The following ZBBX variants were observed in gnomAD, a reference collection of about 807,000 sequenced individuals.
ZBBX encodes the protein zinc finger B-box domain containing.
Under a neutral mutation model 108.5 loss-of-function variants are expected in ZBBX, and 101 were observed. That is an observed-to-expected ratio of 0.93 (90% CI 0.79 to 1.10). The LOEUF (loss-of-function observed/expected upper bound fraction) is 1.10. Ranked by LOEUF, ZBBX falls within the 50% of genes least tolerant of loss-of-function variation. The pLI, the probability that ZBBX is intolerant of heterozygous loss-of-function variation, is 0.00. For synonymous variants in ZBBX, 356 were observed against 323.4 expected, an observed-to-expected ratio of 1.10 and a Z score of -1.08; for missense variants, 1,009 against 941.4, an observed-to-expected ratio of 1.07 and a Z score of -0.94.
chr3:167,293,181 G>A (rs563252809), intron 18 of ZBBX, among the ~76,000 whole-genome samples: 14 of 152,080 alleles, frequency 9.2e-5, no homozygotes, highest in South Asian at 2.1e-4. Context: ...AAAGAGGGAC[G>A]CCTCCCTAAC....
chr3:167,180,675 T>C, the ZBBX span, among the ~76,000 whole-genome samples: 1 of 152,224 alleles, frequency 6.6e-6, no homozygotes, highest in Non-Finnish European at 1.5e-5. Context: ...TTAACTTGCC[T>C]TGTGGCAACA....
At position 167,282,347 on chromosome 3, in the gene ZBBX, A is replaced by C. The variant is rs368804958; in HGVS notation, c.2145T>G (p.Ile715Met). 2.1e-5 allele frequency: 34 copies of C among 1,613,980 alleles called. No homozygotes were observed. In the African/African-American group the frequency reaches 4.0e-4, roughly 19 times the overall value. The change falls in exon 20 of 22, where the codon ATT (isoleucine) becomes ATG (methionine). Residue 715 changes from isoleucine (I) to methionine (M), a missense_variant. Ile to Met is a conservative substitution (Grantham distance 10, BLOSUM62 1). Coordinates refer to ENST00000675490, the MANE Select transcript of ZBBX (RefSeq NM_001199201.2). ...SSRAASEISEIEYIDITDQNE... is the reference protein window; with the variant it reads ...SSRAASEISEMEYIDITDQNE... ...TCTGGTCAGTAATATCAATATATTCAATTTCTGAAATTTCAGAAGCAGCTC... is the reference window on the plus strand; with the variant it reads ...TCTGGTCAGTAATATCAATATATTCCATTTCTGAAATTTCAGAAGCAGCTC...
chr3:167,187,096 T>C, the ZBBX span, among the ~76,000 whole-genome samples: 2 of 152,306 alleles, frequency 1.3e-5, no homozygotes, highest in East Asian at 3.9e-4. Context: ...GAAGGTTTGC[T>C]ACCGTAGACC....
intron 20 of ZBBX, among the ~76,000 whole-genome samples, chr3:167,253,649 G>C (rs1722990340): frequency 6.6e-6 from 1 of 152,112 alleles, no homozygotes; most frequent in Non-Finnish European, 1.5e-5. Context: ...AGAAAAGACT[G>C]AGAGAGCTCA....
chr3:167,187,127 T>C, the ZBBX span, among the ~76,000 whole-genome samples: 1 of 152,172 alleles, frequency 6.6e-6, no homozygotes, highest in Admixed American at 6.5e-5. Context: ...AGCTTTATTT[T>C]GTTCGGTTTT....
At chr3:167,296,767 G>A (rs1731756713) in intron 18 of ZBBX, among the ~76,000 whole-genome samples, 1 of 151,870 alleles carries the variant, frequency 6.6e-6, no homozygotes, top group South Asian at 2.1e-4. Flanking sequence ...TCATGAACTG[G>A]AAGAGTTAAT....
downstream of ZBBX, among the ~76,000 whole-genome samples, chr3:167,236,988 G>C (rs1225439463): frequency 1.3e-5 from 2 of 151,782 alleles, no homozygotes; most frequent in East Asian, 1.9e-4. Context: ...ATGAGAAATA[G>C]CATGTGCCAA....
chr3:167,222,492 A>G, the ZBBX span, among the ~76,000 whole-genome samples: 3 of 151,914 alleles, frequency 2.0e-5, no homozygotes, highest in African/African-American at 7.2e-5. Context: ...ATTACGATGA[A>G]TAAGATCTAG....
intron 9 of ZBBX, among the ~76,000 whole-genome samples, chr3:167,348,494 G>T (rs1742094142): frequency 6.6e-6 from 1 of 151,506 alleles, no homozygotes. Context: ...AGAAAGAGAG[G>T]AAATTGTGAT....
chr3:167,313,177 T>C (rs1734882480), intron 16 of ZBBX, among the ~76,000 whole-genome samples: 1 of 152,210 alleles, frequency 6.6e-6, no homozygotes, highest in Admixed American at 6.5e-5. Context: ...TCTCACAATC[T>C]GGAAATTGAA....
the ZBBX span, among the ~76,000 whole-genome samples, chr3:167,223,084 A>G: frequency 6.6e-6 from 1 of 151,918 alleles, no homozygotes; most frequent in African/African-American, 2.4e-5. Flanking sequence ...CAATTAAAAA[A>G]AGTCTCATAG....
the ZBBX span, among the ~76,000 whole-genome samples, chr3:167,195,703 A>T: frequency 6.6e-6 from 1 of 152,190 alleles, no homozygotes; most frequent in Admixed American, 6.5e-5. Context: ...GTTAAAATTG[A>T]AGCCAACGGT....
chr3:167,253,234 T>C (rs951269843), intron 20 of ZBBX, among the ~76,000 whole-genome samples: 1 of 152,042 alleles, frequency 6.6e-6, no homozygotes, highest in Non-Finnish European at 1.5e-5. Context: ...GTTATTCCAA[T>C]ACACAGTGTG....
the ZBBX span, among the ~76,000 whole-genome samples, chr3:167,207,063 T>A: frequency 6.6e-6 from 1 of 152,172 alleles, no homozygotes; most frequent in African/African-American, 2.4e-5. Flanking sequence ...CTTCCTGATA[T>A]TTGCATTGGC....
At chr3:167,223,424 T>C in the ZBBX span, among the ~76,000 whole-genome samples, 1 of 152,024 alleles carries the variant, frequency 6.6e-6, no homozygotes. Context: ...ATAGATATTC[T>C]GGAAAACTAT....
the ZBBX span, among the ~76,000 whole-genome samples, chr3:167,229,112 T>C: frequency 2.0e-5 from 3 of 151,776 alleles, no homozygotes; most frequent in East Asian, 1.9e-4. Flanking sequence ...AGTTTACAAA[T>C]TGCCTAATCA....
chr3:167,216,512 A>T, the ZBBX span, among the ~76,000 whole-genome samples: 1 of 152,196 alleles, frequency 6.6e-6, no homozygotes, highest in Non-Finnish European at 1.5e-5. Context: ...GCTCATTGAT[A>T]GGAAGAATCA....
In ZBBX at chr3:167,317,059, T is replaced by C; in HGVS notation, c.1140A>G (p.Glu380=). The change falls in exon 14 of 22, where the codon GAA becomes GAG. Residue 380 remains glutamate, a synonymous_variant. Coordinates refer to ENST00000675490, the MANE Select transcript of ZBBX (RefSeq NM_001199201.2). Reference sequence around the variant, plus strand: ...GTTCAGGTCTCTCTATGTTTAATGTTTCTACTGGCAATAAAAGAGCTGTGT... The same window carrying C: ...GTTCAGGTCTCTCTATGTTTAATGTCTCTACTGGCAATAAAAGAGCTGTGT... ...VQHTALLLPV[E]TLNIERPEPS... The C allele has an allele frequency of 6.2e-7, 1 of 1,611,166 alleles. No individual in the cohort carries two copies. Among genetic ancestry groups the C allele is most frequent in the Non-Finnish European group, 8.5e-7 (1 of 1,178,156 alleles).
intron 20 of ZBBX, among the ~76,000 whole-genome samples, chr3:167,263,888 C>A (rs1725022106): frequency 1.3e-5 from 2 of 152,158 alleles, no homozygotes; most frequent in Non-Finnish European, 2.9e-5. Flanking sequence ...CGTTATATAT[C>A]TGGGTACTCC....
Sources: gnomAD v4.1 joint callset for allele counts (sites outside exome capture counted in the v4.1 genomes callset) on GRCh38, gnomAD v4.1.1 for gene constraint, MANE v1.5 for transcripts, NCBI Gene and HGNC (gene_info 2026-07-23, HGNC 2026-07-21) for gene names.